The following LRMDA variants were observed in gnomAD, a reference collection of about 807,000 sequenced individuals.
LRMDA encodes the protein leucine-rich melanocyte differentiation-associated protein.
A neutral mutation model predicts 29.8 loss-of-function variants in LRMDA; 18 were observed. That is an observed-to-expected ratio of 0.60 (90% CI 0.42 to 0.90). The LOEUF is 0.90. Ranked by LOEUF, LRMDA falls within the 40% of genes least tolerant of loss-of-function variation. The pLI, the probability that LRMDA is intolerant of heterozygous loss-of-function variation, is 0.00. For missense variants in LRMDA, 273 were observed against 273.9 expected, an observed-to-expected ratio of 1.00 and a Z score of 0.02; for synonymous variants, 125 against 109.4, an observed-to-expected ratio of 1.14 and a Z score of -0.89.
At chr10:75,433,994 G>C (rs368090708) in intron 1 of LRMDA, among the ~76,000 whole-genome samples, 1 of 152,130 alleles carries the variant, frequency 6.6e-6, no homozygotes, top group East Asian at 1.9e-4. Context: ...TGGGGATGTT[G>C]CAGTCTTCCT....
At chr10:76,002,177 C>A (rs763275650) in intron 2 of LRMDA, among the ~76,000 whole-genome samples, 1 of 152,170 alleles carries the variant, frequency 6.6e-6, no homozygotes, top group African/African-American at 2.4e-5. Context: ...ATGGTAGAGA[C>A]AGCACACCCT....
chr10:76,431,577 A>G (rs1842191161), intron 6 of LRMDA, among the ~76,000 whole-genome samples: 1 of 152,220 alleles, frequency 6.6e-6, no homozygotes, highest in South Asian at 2.1e-4. Context: ...TTATAAATGT[A>G]ACATCCTCAT....
At chr10:75,713,057 A>G (rs1842456202) in intron 2 of LRMDA, among the ~76,000 whole-genome samples, 1 of 152,212 alleles carries the variant, frequency 6.6e-6, no homozygotes, top group Non-Finnish European at 1.5e-5. Context: ...TGGGATAGTG[A>G]TAGTAATGCA....
intron 6 of LRMDA, among the ~76,000 whole-genome samples, chr10:76,353,661 T>C (rs1841205690): frequency 6.6e-6 from 1 of 152,138 alleles, no homozygotes; most frequent in Admixed American, 6.5e-5. Flanking sequence ...TTCACTCAAG[T>C]CATTAATCAC....
intron 6 of LRMDA, among the ~76,000 whole-genome samples, chr10:76,456,102 C>T (rs994599577): frequency 6.6e-6 from 1 of 152,110 alleles, no homozygotes; most frequent in Non-Finnish European, 1.5e-5. Context: ...GCATCTCTAC[C>T]CGAAAATAGT....
intron 3 of LRMDA, 141 bp from the exon 4 acceptor site, chr10:76,047,023 A>G: frequency 2.2e-6 from 2 of 894,928 alleles, no homozygotes; most frequent in East Asian, 5.0e-5. Context: ...GCAATACCGT[A>G]TACCCACAGC....
At chr10:76,055,816 C>T (rs1848605386) in intron 4 of LRMDA, among the ~76,000 whole-genome samples, 1 of 152,226 alleles carries the variant, frequency 6.6e-6, no homozygotes, top group Admixed American at 6.5e-5. Flanking sequence ...CACCTGGAAG[C>T]TTGAAGATGC....
At chr10:76,346,106 G>T (rs142103005) in intron 6 of LRMDA, among the ~76,000 whole-genome samples, 4 of 152,268 alleles carry the variant, frequency 2.6e-5, no homozygotes, top group African/African-American at 9.6e-5. Flanking sequence ...ATACACACAT[G>T]CAGACACACA....
intron 2 of LRMDA, among the ~76,000 whole-genome samples, chr10:75,473,254 T>C (rs1021701443): frequency 2.0e-5 from 3 of 152,136 alleles, no homozygotes; most frequent in African/African-American, 7.2e-5. Flanking sequence ...AACCTGGAGC[T>C]TTACTGCAGA....
intron 2 of LRMDA, among the ~76,000 whole-genome samples, chr10:76,031,520 C>T (rs1208792463): frequency 6.6e-6 from 1 of 152,094 alleles, no homozygotes; most frequent in African/African-American, 2.4e-5. Context: ...AGTACCGAGC[C>T]CTCACTGTAC....
At chr10:76,379,230 T>C (rs1841560430) in intron 6 of LRMDA, among the ~76,000 whole-genome samples, 2 of 149,484 alleles carry the variant, frequency 1.3e-5, no homozygotes, top group South Asian at 4.2e-4. Flanking sequence ...ATCAGGGTGA[T>C]ATTGGCTTTA....
At chr10:75,520,611 G>A (rs569118906) in intron 2 of LRMDA, among the ~76,000 whole-genome samples, 1 of 152,226 alleles carries the variant, frequency 6.6e-6, no homozygotes, top group Admixed American at 6.5e-5. Flanking sequence ...TAGCTTCCTT[G>A]CGATGGGTTC....
intron 2 of LRMDA, among the ~76,000 whole-genome samples, chr10:75,763,055 G>A (rs1190774482): frequency 6.6e-6 from 1 of 152,062 alleles, no homozygotes; most frequent in Admixed American, 6.5e-5. Flanking sequence ...CTTTTTTCAT[G>A]TCTATCTTCA....
intron 2 of LRMDA, among the ~76,000 whole-genome samples, chr10:75,839,854 G>A (rs918168841): frequency 1.5e-4 from 22 of 151,698 alleles, no homozygotes; most frequent in Non-Finnish European, 2.6e-4. Flanking sequence ...GACTACAGGC[G>A]CCCGCCACCG....
At chr10:76,383,681 C>T (rs1326927124) in intron 6 of LRMDA, among the ~76,000 whole-genome samples, 3 of 151,668 alleles carry the variant, frequency 2.0e-5, no homozygotes, top group African/African-American at 7.3e-5. Flanking sequence ...CCACCCGACT[C>T]GGCCTCCCAA....
At chr10:75,950,888 T>C (rs1025759397) in intron 2 of LRMDA, among the ~76,000 whole-genome samples, 1 of 152,198 alleles carries the variant, frequency 6.6e-6, no homozygotes, top group African/African-American at 2.4e-5. Flanking sequence ...TAGTTTTCTA[T>C]GTTGATGTTT....
At chr10:75,920,974 G>T (rs567819495) in intron 2 of LRMDA, among the ~76,000 whole-genome samples, 1 of 152,264 alleles carries the variant, frequency 6.6e-6, no homozygotes, top group African/African-American at 2.4e-5. Context: ...TTTGTATGTG[G>T]TCTGTCTAAT....
At chr10:76,281,408 A>G (rs921477498) in intron 5 of LRMDA, among the ~76,000 whole-genome samples, 4 of 152,110 alleles carry the variant, frequency 2.6e-5, no homozygotes, top group African/African-American at 9.7e-5. Context: ...AATTTGGAGG[A>G]CCTTGAGTGC....
chr10:76,341,576 T>C (rs760502779), intron 6 of LRMDA, among the ~76,000 whole-genome samples: 12 of 152,200 alleles, frequency 7.9e-5, no homozygotes, highest in Non-Finnish European at 1.5e-4. Context: ...GAATGACTTA[T>C]TATATTCAGA....
Sources: allele counts gnomAD v4.1 joint callset (sites outside exome capture counted in the v4.1 genomes callset), GRCh38; gene constraint gnomAD v4.1.1; transcripts MANE v1.5; gene names NCBI Gene and HGNC (gene_info 2026-07-23, HGNC 2026-07-21).